CHAF1A: variants seen among roughly 807,000 people sequenced by gnomAD.
CHAF1A encodes the protein chromatin assembly factor 1 subunit A.
A neutral mutation model predicts 93.2 loss-of-function variants in CHAF1A; 5 were observed. The observed-to-expected ratio is 0.05, with a 90% CI of 0.03 to 0.11. The LOEUF (loss-of-function observed/expected upper bound fraction) is 0.11, where lower values mean the gene tolerates loss of function less well. Among genes scored for constraint, CHAF1A ranks in the 10% least tolerant of loss-of-function variants. The pLI, the probability that CHAF1A is intolerant of heterozygous loss-of-function variation, is 1.00. For synonymous variants in CHAF1A, 504 were observed against 510.3 expected (o/e 0.99, Z 0.17); for missense variants, 1,102 against 1,259.9 (o/e 0.87, Z 1.90).
intron 7 of CHAF1A, among the ~76,000 whole-genome samples, chr19:4,426,953 G>A (rs188267381): frequency 1.3e-4 from 19 of 151,558 alleles, no homozygotes; most frequent in Admixed American, 9.8e-4. Context: ...TTAGCCGGGC[G>A]TGGTGGTAGG....
At chr19:4,430,128 T>C (rs941346639) in intron 10 of CHAF1A, 5 of 359,588 alleles carry the variant, frequency 1.4e-5, no homozygotes, top group Middle Eastern at 8.2e-4. Flanking sequence ...TTTCTGCCGA[T>C]GCTCACCGTG....
At chr19:4,423,690 G>A in intron 6 of CHAF1A, 116 bp from the exon 7 acceptor site, 1 of 1,083,348 alleles carries the variant, frequency 9.2e-7, no homozygotes, top group Non-Finnish European at 1.4e-6. Context: ...GAAAATCACA[G>A]TAGTGCCTTC....
chr19:4,425,027 G>A lies in CHAF1A; in HGVS notation c.1377+1153G>A, dbSNP rs141829754. 3.1e-3 allele frequency among the ~76,000 whole-genome samples: 476 copies of A among 152,000 alleles called. 1 individual carries two copies. Among genetic ancestry groups the A allele is most frequent in the Admixed American group, 5.6e-3 (86 of 15,250 alleles). On this transcript the variant is annotated intron_variant, in intron 7 of 14. Transcript: ENST00000301280. ...GGCTTCAAATGATCCTCCAAACCTC[G>A]GCCTCTCAAAGCACTTGGATTACAG...
chr19:4,407,423 G>T (rs1205391688), intron 2 of CHAF1A, among the ~76,000 whole-genome samples: 1 of 150,876 alleles, frequency 6.6e-6, no homozygotes, highest in Non-Finnish European at 1.5e-5. Context: ...TTTGATTGAT[G>T]AGAAAAGCCT....
downstream of CHAF1A, chr19:4,445,833 C>A: frequency 9.6e-7 from 1 of 1,041,666 alleles, no homozygotes; most frequent in Non-Finnish European, 1.4e-6. Flanking sequence ...CGCACGTCAC[C>A]GCTCCCATTT....
At chr19:4,410,386 C>CCTT (rs764495837) in intron 3 of CHAF1A, among the ~76,000 whole-genome samples, 1 of 137,526 alleles carries the variant, frequency 7.3e-6, no homozygotes, top group East Asian at 2.1e-4. Flanking sequence ...AAAAAAATTA[C>CCTT]TTTTTTTTTT....
chr19:4,435,183 C>T (rs927376106), intron 13 of CHAF1A, among the ~76,000 whole-genome samples: 15 of 148,306 alleles, frequency 1.0e-4, no homozygotes, highest in African/African-American at 1.0e-4. Context: ...CTCCGCCTCC[C>T]GGGTTCACAC....
intron 2 of CHAF1A, among the ~76,000 whole-genome samples, chr19:4,407,805 G>T (rs1973707257): frequency 6.6e-6 from 1 of 151,960 alleles, no homozygotes; most frequent in Non-Finnish European, 1.5e-5. Context: ...AAAATTAGCT[G>T]GGTGTAGTAG....
chr19:4,450,244 C>T, the CHAF1A span: 1 of 145,782 alleles, frequency 6.9e-6, no homozygotes, highest in East Asian at 2.0e-4. Flanking sequence ...AAAAAAAGCA[C>T]TGGAGAGGCC....
chr19:4,427,859 A>G (rs1331897762), intron 7 of CHAF1A, among the ~76,000 whole-genome samples: 1 of 152,132 alleles, frequency 6.6e-6, no homozygotes, highest in Non-Finnish European at 1.5e-5. Context: ...AAGCGCTACA[A>G]TTACAGGCGT....
At chr19:4,447,677 C>G, downstream of CHAF1A, 3 of 1,573,008 alleles carry the variant, frequency 1.9e-6, no homozygotes, top group Non-Finnish European at 2.6e-6. Context: ...GCCCACCCGG[C>G]CCCTCTGTGC....
chr19:4,415,848 T>C (rs1973887821), intron 3 of CHAF1A, among the ~76,000 whole-genome samples: 1 of 152,002 alleles, frequency 6.6e-6, no homozygotes, highest in Non-Finnish European at 1.5e-5. Context: ...CTGTGAGAGG[T>C]CCTAGTCAGG....
downstream of CHAF1A, chr19:4,448,488 A>G (rs886898063): frequency 2.0e-5 from 25 of 1,247,190 alleles, no homozygotes; most frequent in East Asian, 5.1e-5. Context: ...CCCAGGTAAC[A>G]GGGGCAGGAA....
chr19:4,430,880 G>A lies in CHAF1A; in HGVS notation c.1947+239G>A. The A allele has an allele frequency of 1.7e-5, 9 of 520,554 alleles. 1 individual carries two copies. In the South Asian group the frequency reaches 1.9e-4, roughly 11 times the overall value. 32.2% of individuals were successfully genotyped at this position (520,554 alleles called of 1,614,324 possible). On this transcript the variant is annotated intron_variant, in intron 11 of 14. Coordinates refer to ENST00000301280, the MANE Select transcript of CHAF1A (RefSeq NM_005483.3). ...GGGGAGCCATAGGAGCAGACACCCT[G>A]GTGAGGGAGCGTGGCCATGGTCTGT... is the stretch of plus-strand genomic sequence containing the variant.
At chr19:4,447,646 G>C, downstream of CHAF1A, 3 of 1,613,436 alleles carry the variant, frequency 1.9e-6, 1 homozygote, top group South Asian at 3.3e-5. Context: ...TGGAGAAGGT[G>C]AGTGGGGCAC....
chr19:4,420,462 C>T (rs546473796), intron 4 of CHAF1A, among the ~76,000 whole-genome samples: 10 of 152,194 alleles, frequency 6.6e-5, no homozygotes, highest in South Asian at 2.1e-4. Flanking sequence ...AGGCTGGTCT[C>T]GAACTCCTGA....
chr19:4,439,617 T>G (rs1347227917), intron 13 of CHAF1A, among the ~76,000 whole-genome samples: 3 of 152,158 alleles, frequency 2.0e-5, no homozygotes, highest in Non-Finnish European at 4.4e-5. Context: ...TTGAGGTGGC[T>G]CTGAAGAAAT....
At chr19:4,442,394 A>G (rs1313244431) in intron 14 of CHAF1A, 53 bp downstream of exon 14, 1 of 1,397,258 alleles carries the variant, frequency 7.2e-7, no homozygotes, top group Admixed American at 2.0e-5. Flanking sequence ...CGCTGGAGGT[A>G]AACCTCAACA....
chr19:4,447,184 C>T (rs577508990), downstream of CHAF1A: 5 of 587,384 alleles, frequency 8.5e-6, no homozygotes, highest in South Asian at 8.2e-5. Context: ...CTGCTGGGGC[C>T]TGATGCGAGG....
Sources: gnomAD v4.1 joint callset for allele counts (sites outside exome capture counted in the v4.1 genomes callset) on GRCh38, gnomAD v4.1.1 for gene constraint, MANE v1.5 for transcripts, NCBI Gene and HGNC (gene_info 2026-07-23, HGNC 2026-07-21) for gene names.